Variants in DEPDC5 observed in about 807,000 individuals in gnomAD.
The protein encoded by DEPDC5 is DEP domain containing 5, GATOR1 subcomplex subunit.
In DEPDC5, 73 loss-of-function variants were observed where a neutral mutation model predicts 217.3. The ratio of observed to expected loss-of-function variants is 0.34; its 90% CI spans 0.28 to 0.41. The LOEUF is 0.41. Among genes scored for constraint, DEPDC5 ranks in the 10% least tolerant of loss-of-function variants. The probability of loss-of-function intolerance (pLI) is 1.00; values close to 1 mark genes in which losing one functional copy is unlikely to be tolerated. For missense variants in DEPDC5, 1,675 were observed against 2,070.1 expected (o/e 0.81, Z 3.70); for synonymous variants, 733 against 756.7 (o/e 0.97, Z 0.51).
At chr22:31,770,853 G>T (rs1009671232) in intron 7 of DEPDC5, among the ~76,000 whole-genome samples, 2 of 147,076 alleles carry the variant, frequency 1.4e-5, no homozygotes, top group African/African-American at 5.1e-5. Context: ...GTGCAGTGGT[G>T]TGATCTTGTC....
chr22:31,872,998 A>G (rs924137549), intron 34 of DEPDC5, among the ~76,000 whole-genome samples: 1 of 152,154 alleles, frequency 6.6e-6, no homozygotes, highest in South Asian at 2.1e-4. Flanking sequence ...CAAATAATCC[A>G]CGTGCCTCAG....
intron 13 of DEPDC5, among the ~76,000 whole-genome samples, chr22:31,798,285 C>G (rs934554584): frequency 1.3e-5 from 2 of 152,094 alleles, no homozygotes; most frequent in Non-Finnish European, 2.9e-5. Context: ...AATCCCAGCA[C>G]AAGGCAGGCG....
intron 24 of DEPDC5, among the ~76,000 whole-genome samples, chr22:31,832,962 A>G (rs2090714223): frequency 6.6e-6 from 1 of 152,228 alleles, no homozygotes; most frequent in Non-Finnish European, 1.5e-5. Flanking sequence ...AAAAGTACAA[A>G]TTCTCTTTTA....
chr22:31,829,120 A>G (rs1289027896), intron 24 of DEPDC5, among the ~76,000 whole-genome samples: 3 of 152,176 alleles, frequency 2.0e-5, no homozygotes, highest in Admixed American at 2.0e-4. Flanking sequence ...TGTCCCACAG[A>G]GCGGTTGTCT....
intron 12 of DEPDC5, among the ~76,000 whole-genome samples, chr22:31,794,448 G>A (rs1393155574): frequency 6.6e-6 from 1 of 152,120 alleles, no homozygotes; most frequent in Admixed American, 6.5e-5. Context: ...AATTATGAAT[G>A]TAGATTTATA....
Position 31,886,619 on chromosome 22 carries a change from G to A in DEPDC5, c.4033+6867G>A, listed in dbSNP as rs1410568508. ...TACTAAATATACAAAAATTAGCGAG[G>A]TGTGGTGGCATGCACCTGTAATCCC... On this transcript the variant is annotated intron_variant, in intron 38 of 42. Transcript: ENST00000651528. Among the ~76,000 whole-genome samples the A allele has an allele frequency of 2.7e-5, 4 of 149,610 alleles. No individual in the cohort carries two copies. The South Asian group carries it at 6.4e-4, about 24-fold the overall frequency.
At chr22:31,857,726 C>G (rs1461424755) in intron 32 of DEPDC5, 173 bp downstream of exon 32, 2 of 527,340 alleles carry the variant, frequency 3.8e-6, no homozygotes, top group Non-Finnish European at 3.3e-6. Context: ...TAGGGACTTT[C>G]TTATTCACAG....
At chr22:31,845,974 T>G (rs1432867268) in intron 30 of DEPDC5, among the ~76,000 whole-genome samples, 1 of 151,936 alleles carries the variant, frequency 6.6e-6, no homozygotes, top group Non-Finnish European at 1.5e-5. Flanking sequence ...TCCAAGTAGC[T>G]GGGACTAAAG....
At chr22:31,848,037 T>C (rs2091841790) in intron 31 of DEPDC5, among the ~76,000 whole-genome samples, 1 of 152,206 alleles carries the variant, frequency 6.6e-6, no homozygotes, top group Admixed American at 6.5e-5. Context: ...TGAAATCCAA[T>C]AGGGCAACCA....
At chr22:31,881,010 G>A (rs2093159230) in intron 38 of DEPDC5, among the ~76,000 whole-genome samples, 1 of 132,392 alleles carries the variant, frequency 7.6e-6, no homozygotes, top group Non-Finnish European at 1.6e-5. Context: ...ATAAGACTCC[G>A]TCTCAAAAAA....
intron 6 of DEPDC5, among the ~76,000 whole-genome samples, chr22:31,767,469 G>A (rs527691584): frequency 6.6e-6 from 1 of 152,148 alleles, no homozygotes; most frequent in South Asian, 2.1e-4. Context: ...CTAATTTTGT[G>A]TTTTTAGTAG....
At position 31,805,241 on chromosome 22, in the gene DEPDC5, G is replaced by A. The variant is rs897123709; in HGVS notation, c.1217+326G>A. On this transcript the variant is annotated intron_variant, in intron 17 of 42. Coordinates refer to ENST00000651528, the MANE Select transcript of DEPDC5 (RefSeq NM_001242896.3). ...CCTTCAGCTCTAGAGAAGTCCCCGC[G>A]CCTCTTTACATGGAATCCTGCTGAT... The A allele has an allele frequency of 1.8e-5, 3 of 167,218 alleles. No individual in the cohort carries two copies. In the Admixed American group the frequency reaches 1.9e-4, roughly 11 times the overall value. The allele number at this position is 167,218 out of a possible 1,614,324, so 10.4% of individuals were successfully genotyped here.
At chr22:31,766,556 C>G in intron 5 of DEPDC5, 29 bp from the exon 6 acceptor site, 2 of 1,603,946 alleles carry the variant, frequency 1.2e-6, no homozygotes, top group Non-Finnish European at 1.7e-6. Context: ...AAAGTAATGT[C>G]AGAGATATCA....
rs200797928 is a variant in DEPDC5 at position 31,797,674 on chromosome 22, A to T, written c.842A>T (p.Tyr281Phe). 62 of 1,613,886 alleles carry T rather than the reference A, an allele frequency of 3.8e-5. No individual in the cohort carries two copies. The highest frequency in any genetic ancestry group is 5.3e-5 in the African/African-American group (4 of 74,902). Residue 281 changes from tyrosine to phenylalanine, a missense_variant, in exon 13 of 43, where the codon TAT becomes TTT. Tyr to Phe is a conservative substitution (Grantham distance 22). Around this residue, in one of 11 missense-constraint regions of DEPDC5, gnomAD observed 628 missense variants for 762.1 expected, o/e 0.82. Transcript: ENST00000651528. ...ACCATTAAAAAACTCTTCATCCAGT[A>T]TCCAGTGTTGGTGCGACTGGAACAG... ...LVTIKKLFIQ[Y>F]PVLVRLEQAE...
Position 31,815,117 on chromosome 22 carries a change from G to A in DEPDC5, c.1571G>A (p.Ser524Asn). Residue 524 changes from serine (S) to asparagine (N), a missense_variant, in exon 21 of 43, where the codon AGC becomes AAC. Ser to Asn is a conservative substitution (Grantham distance 46, BLOSUM62 1). This residue lies in a region of DEPDC5 where 628 missense variants were observed against 762.1 expected (regional missense o/e 0.82). Transcript: ENST00000651528. ...GTGAGGAGCCAGGCTTCTGACGACA[G>A]CTCCCTAGGCAAGAGTGCCAACATC... The part of the protein sequence containing the change: ...EEVRSQASDD[S>N]SLGKSANILM... The A allele has an allele frequency of 6.2e-7, 1 of 1,614,176 alleles. No individual in the cohort carries two copies. Among genetic ancestry groups the A allele is most frequent in the Non-Finnish European group, 8.5e-7 (1 of 1,180,032 alleles).
intron 3 of DEPDC5, among the ~76,000 whole-genome samples, chr22:31,759,902 C>T (rs1211849639): frequency 3.3e-5 from 5 of 151,372 alleles, no homozygotes; most frequent in African/African-American, 4.9e-5. Context: ...AGGCTGGTCT[C>T]GAACTCCTGA....
At chr22:31,904,925 C>T (rs2093729938) in intron 41 of DEPDC5, among the ~76,000 whole-genome samples, 1 of 152,190 alleles carries the variant, frequency 6.6e-6, no homozygotes, top group African/African-American at 2.4e-5. Context: ...CCAAGGAACT[C>T]AGTCCAGGAA....
At chr22:31,893,837 A>C in intron 39 of DEPDC5, 86 bp downstream of exon 39, 9 of 1,373,932 alleles carry the variant, frequency 6.6e-6, no homozygotes, top group Non-Finnish European at 8.6e-6. Context: ...TGTCACTTTA[A>C]TTTTTTAGTT....
At chr22:31,833,742 T>G in intron 24 of DEPDC5, 173 bp from the exon 25 acceptor site, 1 of 494,990 alleles carries the variant, frequency 2.0e-6, no homozygotes, top group Non-Finnish European at 3.6e-6. Context: ...AATTTTAGAT[T>G]GATCATTTTT....
Sources: allele counts gnomAD v4.1 joint callset (sites outside exome capture counted in the v4.1 genomes callset), GRCh38; gene constraint gnomAD v4.1.1; regional missense constraint gnomAD v4.1.1; transcripts MANE v1.5; gene names NCBI Gene and HGNC (gene_info 2026-07-23, HGNC 2026-07-21).